Variants in NOX4 observed in about 807,000 individuals in gnomAD.
The protein encoded by NOX4 is kidney oxidase-1.
A neutral mutation model predicts 87.6 loss-of-function variants in NOX4; 69 were observed. The ratio of observed to expected loss-of-function variants is 0.79; its 90% CI spans 0.65 to 0.96. NOX4 has a LOEUF of 0.96. Ranked by LOEUF, NOX4 falls within the 40% of genes least tolerant of loss-of-function variation. NOX4 has a pLI of 0.00. For synonymous variants in NOX4, 275 were observed against 238.2 expected, an observed-to-expected ratio of 1.15 and a Z score of -1.42; for missense variants, 680 against 681.5, an observed-to-expected ratio of 1.00 and a Z score of 0.02.
chr11:89,420,725 A>C (rs1331415955), intron 8 of NOX4, among the ~76,000 whole-genome samples: 1 of 152,166 alleles, frequency 6.6e-6, no homozygotes, highest in African/African-American at 2.4e-5. Context: ...AGAACTAAAC[A>C]AAGGTCTGAA....
intron 13 of NOX4, among the ~76,000 whole-genome samples, chr11:89,348,722 C>T (rs1946323765): frequency 6.6e-6 from 1 of 151,964 alleles, no homozygotes; most frequent in African/African-American, 2.4e-5. Context: ...CACACATACA[C>T]AGTTTTCAGC....
chr11:89,387,113 C>G (rs1565224479), intron 11 of NOX4, among the ~76,000 whole-genome samples: 1 of 151,996 alleles, frequency 6.6e-6, no homozygotes, highest in Non-Finnish European at 1.5e-5. Context: ...TCTCTCCATA[C>G]CACCCCCAAA....
chr11:89,394,512 T>C (rs183476837), intron 11 of NOX4, among the ~76,000 whole-genome samples: 77 of 152,226 alleles, frequency 5.1e-4, no homozygotes, highest in Admixed American at 3.9e-3. Flanking sequence ...ATTTTTTTAT[T>C]ATTATTATAT....
At chr11:89,561,070 T>TC in the NOX4 span, among the ~76,000 whole-genome samples, 65 of 117,232 alleles carry the variant, frequency 5.5e-4, 3 homozygotes, top group African/African-American at 2.1e-3. Context: ...TATATATATA[T>TC]ATATATATAT....
the NOX4 span, among the ~76,000 whole-genome samples, chr11:89,505,694 G>A: frequency 6.6e-6 from 1 of 151,860 alleles, no homozygotes; most frequent in Non-Finnish European, 1.5e-5. Context: ...GAATCTTAGA[G>A]CTGGATAATT....
At chr11:89,368,988 T>G (rs533502368) in intron 12 of NOX4, among the ~76,000 whole-genome samples, 1 of 152,144 alleles carries the variant, frequency 6.6e-6, no homozygotes, top group African/African-American at 2.4e-5. Context: ...CTCTTAAACT[T>G]TTTTAAGATA....
At chr11:89,536,976 C>T in the NOX4 span, among the ~76,000 whole-genome samples, 1 of 152,160 alleles carries the variant, frequency 6.6e-6, no homozygotes, top group Non-Finnish European at 1.5e-5. Flanking sequence ...TATTGGAGAA[C>T]TTCAGGTTGT....
At chr11:89,478,071 G>A (rs1039426252) in intron 2 of NOX4, among the ~76,000 whole-genome samples, 1 of 151,950 alleles carries the variant, frequency 6.6e-6, no homozygotes, top group African/African-American at 2.4e-5. Context: ...ATAAGTCTTA[G>A]CATTGTCATA....
chr11:89,514,225 T>A, the NOX4 span, among the ~76,000 whole-genome samples: 19 of 152,038 alleles, frequency 1.2e-4, no homozygotes, highest in Non-Finnish European at 2.5e-4. Context: ...ACTTTTTAAA[T>A]AAAATTTATT....
chr11:89,399,291 T>C (rs548929766), intron 11 of NOX4, among the ~76,000 whole-genome samples: 2 of 151,030 alleles, frequency 1.3e-5, no homozygotes, highest in Admixed American at 1.3e-4. Flanking sequence ...ACACTGCCTG[T>C]TTTGTTTAAT....
chr11:89,429,416 C>G (rs148045309), intron 7 of NOX4, among the ~76,000 whole-genome samples: 3,775 of 152,160 alleles, frequency 0.025, 149 homozygotes, highest in African/African-American at 0.085. Context: ...TCAATGAATG[C>G]AGAAGCTGGT....
At chr11:89,514,358 T>G in the NOX4 span, among the ~76,000 whole-genome samples, 2 of 151,838 alleles carry the variant, frequency 1.3e-5, no homozygotes, top group Non-Finnish European at 2.9e-5. Context: ...TATTTTATTC[T>G]AAAAATTCTG....
At chr11:89,350,487 C>T (rs1946410751) in intron 13 of NOX4, among the ~76,000 whole-genome samples, 1 of 152,164 alleles carries the variant, frequency 6.6e-6, no homozygotes, top group Admixed American at 6.5e-5. Flanking sequence ...ACAGCTCACA[C>T]TAACCAGTGC....
At chr11:89,548,377 C>A in the NOX4 span, 1 of 152,208 alleles carries the variant, frequency 6.6e-6, no homozygotes, top group Non-Finnish European at 1.5e-5. Context: ...CAGAAGCCAG[C>A]AATGCTGGCA....
At chr11:89,405,035 A>C (rs1034120759) in intron 8 of NOX4, among the ~76,000 whole-genome samples, 2 of 151,070 alleles carry the variant, frequency 1.3e-5, no homozygotes, top group Admixed American at 6.6e-5. Context: ...AGATGGTTAA[A>C]TAGGTAGGCA....
At chr11:89,428,286 C>T (rs529859048) in intron 7 of NOX4, among the ~76,000 whole-genome samples, 4 of 145,232 alleles carry the variant, frequency 2.8e-5, no homozygotes, top group South Asian at 4.4e-4. Flanking sequence ...TAAAGACCAT[C>T]GATGCTAGAA....
At chr11:89,518,246 C>T in the NOX4 span, among the ~76,000 whole-genome samples, 1 of 151,830 alleles carries the variant, frequency 6.6e-6, no homozygotes, top group Non-Finnish European at 1.5e-5. Context: ...AAACAAACTG[C>T]TTGTACTTTA....
At chr11:89,484,020 T>C (rs1946492620) in intron 2 of NOX4, among the ~76,000 whole-genome samples, 1 of 152,156 alleles carries the variant, frequency 6.6e-6, no homozygotes, top group Non-Finnish European at 1.5e-5. Context: ...CTTGAAATCA[T>C]GCCTTCCATA....
chr11:89,575,012 G>A, the NOX4 span, among the ~76,000 whole-genome samples: 3 of 152,128 alleles, frequency 2.0e-5, no homozygotes, highest in Admixed American at 6.5e-5. Flanking sequence ...GTAAAACCCC[G>A]TCTCTACTAA....
Sources: allele counts gnomAD v4.1 joint callset (sites outside exome capture counted in the v4.1 genomes callset), GRCh38; gene constraint gnomAD v4.1.1; transcripts MANE v1.5; gene names NCBI Gene and HGNC (gene_info 2026-07-23, HGNC 2026-07-21).